GOLM1: variants seen among roughly 807,000 people sequenced by gnomAD.
GOLM1 encodes the protein epididymis luminal protein 46.
Under a neutral mutation model 50.5 loss-of-function variants are expected in GOLM1, and 31 were observed. The ratio of observed to expected loss-of-function variants is 0.61; its 90% CI spans 0.46 to 0.83. The LOEUF (loss-of-function observed/expected upper bound fraction) is 0.83, where lower values mean the gene tolerates loss of function less well. Ranked by LOEUF, GOLM1 falls within the 40% of genes least tolerant of loss-of-function variation. The pLI is 0.00. For synonymous variants in GOLM1, 178 were observed against 192.8 expected (o/e 0.92, Z 0.64); for missense variants, 491 against 501.3 (o/e 0.98, Z 0.20).
At chr9:86,057,672 C>T (rs1045416623) in intron 3 of GOLM1, among the ~76,000 whole-genome samples, 8 of 152,196 alleles carry the variant, frequency 5.3e-5, no homozygotes, top group East Asian at 1.9e-4. Flanking sequence ...CGGCTGGAAG[C>T]GGAGCCATAG....
At position 86,079,353 on chromosome 9, in the gene GOLM1, A is replaced by G; in HGVS notation, c.-21-12T>C. On this transcript the variant is annotated splice_polypyrimidine_tract_variant and intron_variant, in intron 1 of 9. Transcript: ENST00000388712. Reference sequence around the variant, plus strand: ...TCAGCGCTGAGAATCTGCCAAGTAAAAGCAAATAAATAAACATCAATACTA... The same window carrying G: ...TCAGCGCTGAGAATCTGCCAAGTAAGAGCAAATAAATAAACATCAATACTA... 1.3e-6 allele frequency: 2 copies of G among 1,559,216 alleles called. No homozygotes were observed. Among genetic ancestry groups the G allele is most frequent in the Non-Finnish European group, 1.7e-6 (2 of 1,150,560 alleles).
rs574237483 is a variant in GOLM1, at chr9:86,082,174, A to G, written c.-21-2833T>C. 1.7e-3 allele frequency among the ~76,000 whole-genome samples: 254 copies of G among 150,204 alleles called. 1 individual carries two copies. Among genetic ancestry groups the G allele is most frequent in the African/African-American group, 5.9e-3 (242 of 40,992 alleles). ...CTCCCGAGTAGCTGGGACTACAGGCACCTGCCACCACACCTGGCTAATTTT... is the reference window on the plus strand; with the variant it reads ...CTCCCGAGTAGCTGGGACTACAGGCGCCTGCCACCACACCTGGCTAATTTT... On this transcript the variant is annotated intron_variant, in intron 1 of 9. Coordinates refer to ENST00000388712, the MANE Select transcript of GOLM1 (RefSeq NM_016548.4).
intron 8 of GOLM1, among the ~76,000 whole-genome samples, chr9:86,033,837 C>T (rs1466343259): frequency 2.0e-5 from 3 of 152,144 alleles, no homozygotes; most frequent in Non-Finnish European, 2.9e-5. Flanking sequence ...CATGAGAGCA[C>T]CCATTACTCT....
intron 4 of GOLM1, among the ~76,000 whole-genome samples, chr9:86,050,504 G>C (rs1833709941): frequency 6.6e-6 from 1 of 152,014 alleles, no homozygotes; most frequent in Non-Finnish European, 1.5e-5. Flanking sequence ...GACTTTTTTT[G>C]GTTGGTAGGC....
At chr9:86,090,940 G>A (rs971242059) in intron 1 of GOLM1, among the ~76,000 whole-genome samples, 1 of 152,198 alleles carries the variant, frequency 6.6e-6, no homozygotes, top group African/African-American at 2.4e-5. Flanking sequence ...CATGGGAAAA[G>A]CGTAGTATCT....
chr9:86,038,910 A>G (rs1341128252), intron 6 of GOLM1, among the ~76,000 whole-genome samples: 1 of 152,190 alleles, frequency 6.6e-6, no homozygotes, highest in African/African-American at 2.4e-5. Flanking sequence ...TAGATATAAT[A>G]CCAAGAACAC....
chr9:86,055,388 G>A (rs1157012200), intron 3 of GOLM1, among the ~76,000 whole-genome samples: 2 of 152,152 alleles, frequency 1.3e-5, no homozygotes, highest in East Asian at 1.9e-4. Context: ...AGCTCGCTCT[G>A]CGTGAAAAGC....
At chr9:86,033,015 A>G (rs1833030491) in intron 9 of GOLM1, among the ~76,000 whole-genome samples, 1 of 152,164 alleles carries the variant, frequency 6.6e-6, no homozygotes, top group African/African-American at 2.4e-5. Flanking sequence ...TGTCACTGAA[A>G]AATCATCCTA....
At chr9:86,058,434 C>T (rs779402723) in intron 3 of GOLM1, among the ~76,000 whole-genome samples, 1 of 152,038 alleles carries the variant, frequency 6.6e-6, no homozygotes, top group African/African-American at 2.4e-5. Flanking sequence ...AGGTGCCAGG[C>T]GCGGTGGCTC....
Position 86,027,136 on chromosome 9 carries a change from A to G in GOLM1, c.*681T>C. ...GAAGCAAAGTAAATAAAGACCACAAATGTTCAAATTCTAAGCCACTTAATA... is the reference window on the plus strand; with the variant it reads ...GAAGCAAAGTAAATAAAGACCACAAGTGTTCAAATTCTAAGCCACTTAATA... On this transcript the variant is annotated 3_prime_UTR_variant, in exon 10 of 10. Transcript: ENST00000388712. 14 of 985,256 alleles carry G rather than the reference A, an allele frequency of 1.4e-5. No homozygotes were observed. Among genetic ancestry groups the G allele is most frequent in the Non-Finnish European group, 1.7e-5 (14 of 829,734 alleles). 61.0% of individuals were successfully genotyped at this position (985,256 alleles called of 1,614,324 possible).
chr9:86,045,739 G>T (rs187787408), intron 5 of GOLM1, among the ~76,000 whole-genome samples: 9 of 151,228 alleles, frequency 6.0e-5, no homozygotes, highest in South Asian at 4.2e-4. Flanking sequence ...GTAAAAAAAT[G>T]ATTAAATTTT....
intron 8 of GOLM1, among the ~76,000 whole-genome samples, chr9:86,033,805 A>G (rs1288390680): frequency 6.6e-6 from 1 of 151,814 alleles, no homozygotes; most frequent in Non-Finnish European, 1.5e-5. Context: ...GACACGTGAG[A>G]AGGTGTCCCT....
intron 7 of GOLM1, among the ~76,000 whole-genome samples, chr9:86,035,883 CAA>C (rs1352651455): frequency 4.0e-5 from 4 of 99,438 alleles, no homozygotes; most frequent in South Asian, 6.3e-4. Context: ...AAAAACAAAA[CAA>C]AAAAAAAAAA....
intron 3 of GOLM1, among the ~76,000 whole-genome samples, chr9:86,062,190 G>A (rs1834179414): frequency 6.6e-6 from 1 of 152,134 alleles, no homozygotes; most frequent in African/African-American, 2.4e-5. Flanking sequence ...GCACCTCGCT[G>A]GGAGAGTGCA....
chr9:86,029,853 G>GA (rs1198198700), intron 9 of GOLM1, among the ~76,000 whole-genome samples: 1 of 152,152 alleles, frequency 6.6e-6, no homozygotes, highest in Non-Finnish European at 1.5e-5. Flanking sequence ...TGAGTGTAGG[G>GA]AATGAGAGAT....
intron 1 of GOLM1, among the ~76,000 whole-genome samples, chr9:86,087,694 A>G (rs1835023127): frequency 6.6e-6 from 1 of 152,168 alleles, no homozygotes; most frequent in Non-Finnish European, 1.5e-5. Context: ...ATCTATTGAG[A>G]GAACCATGTG....
At chr9:86,042,454 A>G (rs904763836) in intron 5 of GOLM1, among the ~76,000 whole-genome samples, 1 of 152,132 alleles carries the variant, frequency 6.6e-6, no homozygotes, top group Non-Finnish European at 1.5e-5. Context: ...CTCTTGGAAT[A>G]TACCCTTGAG....
At chr9:86,073,557 G>A (rs1174904528) in intron 3 of GOLM1, among the ~76,000 whole-genome samples, 1 of 152,144 alleles carries the variant, frequency 6.6e-6, no homozygotes, top group Non-Finnish European at 1.5e-5. Context: ...CAGGTTGAAG[G>A]TGATTTCATC....
At chr9:86,091,929 C>G (rs1447831677) in intron 1 of GOLM1, among the ~76,000 whole-genome samples, 1 of 152,174 alleles carries the variant, frequency 6.6e-6, no homozygotes, top group African/African-American at 2.4e-5. Context: ...GTATTCACAT[C>G]AGGCAGCTCA....
Sources: gnomAD v4.1 joint callset for allele counts (sites outside exome capture counted in the v4.1 genomes callset) on GRCh38, gnomAD v4.1.1 for gene constraint, MANE v1.5 for transcripts, NCBI Gene and HGNC (gene_info 2026-07-23, HGNC 2026-07-21) for gene names.